GPHN: variants seen among roughly 807,000 people sequenced by gnomAD.
GPHN encodes gephyrin.
A neutral mutation model predicts 95.5 loss-of-function variants in GPHN; 17 were observed. The ratio of observed to expected loss-of-function variants is 0.18; its 90% CI spans 0.12 to 0.27. The LOEUF (loss-of-function observed/expected upper bound fraction) is 0.27, where lower values mean the gene tolerates loss of function less well. GPHN is among the 10% of genes least tolerant of loss of function. The pLI is 1.00. For synonymous variants in GPHN, 320 were observed against 322.5 expected, an observed-to-expected ratio of 0.99 and a Z score of 0.08; for missense variants, 660 against 978.1, an observed-to-expected ratio of 0.67 and a Z score of 4.34.
the GPHN span, among the ~76,000 whole-genome samples, chr14:67,229,515 A>G: frequency 1.3e-5 from 2 of 152,202 alleles, no homozygotes; most frequent in African/African-American, 4.8e-5. Context: ...AAACTAGAAC[A>G]GTGTAGAATA....
chr14:66,545,374 A>G (rs1282042668), intron 1 of GPHN, among the ~76,000 whole-genome samples: 62 of 98,100 alleles, frequency 6.3e-4, no homozygotes, highest in Admixed American at 8.0e-4. Context: ...GCGACTGGCC[A>G]GGCGGGGGGC....
the GPHN span, among the ~76,000 whole-genome samples, chr14:67,626,495 C>G: frequency 3.4e-4 from 52 of 152,270 alleles, no homozygotes; most frequent in African/African-American, 1.2e-3. Context: ...ATATACCTAA[C>G]AGAATTCAAA....
At chr14:66,640,008 A>G (rs901303563) in intron 1 of GPHN, among the ~76,000 whole-genome samples, 13 of 152,184 alleles carry the variant, frequency 8.5e-5, no homozygotes, top group Admixed American at 5.9e-4. Context: ...ATCACAGATG[A>G]CATAGACTGG....
At chr14:66,800,012 T>C (rs192085116) in intron 3 of GPHN, among the ~76,000 whole-genome samples, 2 of 152,126 alleles carry the variant, frequency 1.3e-5, no homozygotes, top group Non-Finnish European at 2.9e-5. Context: ...TACTATCTTA[T>C]AACATATTAT....
intron 9 of GPHN, among the ~76,000 whole-genome samples, chr14:67,017,105 G>A (rs116892905): frequency 6.6e-6 from 1 of 152,036 alleles, no homozygotes; most frequent in Non-Finnish European, 1.5e-5. Flanking sequence ...TCTTTATCAT[G>A]CTGCCTTTCA....
At chr14:67,136,751 A>C (rs957337674) in intron 17 of GPHN, among the ~76,000 whole-genome samples, 1 of 152,200 alleles carries the variant, frequency 6.6e-6, no homozygotes, top group African/African-American at 2.4e-5. Flanking sequence ...TGCCTAGTAC[A>C]TACATTCTTA....
the GPHN span, chr14:67,586,010 C>A: frequency 3.5e-4 from 559 of 1,613,694 alleles, 1 homozygote; most frequent in Non-Finnish European, 3.1e-4. Context: ...GCAGGGATGA[C>A]TTCATGCTTG....
the GPHN span, chr14:67,728,172 A>C: frequency 6.6e-6 from 1 of 152,220 alleles, no homozygotes; most frequent in Non-Finnish European, 1.5e-5. Context: ...CATTTGTTAC[A>C]GTGAATAAGC....
chr14:67,510,175 A>G, the GPHN span, among the ~76,000 whole-genome samples: 1 of 152,232 alleles, frequency 6.6e-6, no homozygotes, highest in Non-Finnish European at 1.5e-5. Flanking sequence ...TCTCATTGAT[A>G]TGAGAAAAGA....
the GPHN span, among the ~76,000 whole-genome samples, chr14:67,514,303 G>C: frequency 6.6e-6 from 1 of 152,160 alleles, no homozygotes; most frequent in Admixed American, 6.5e-5. Flanking sequence ...GTTTCTGACT[G>C]AGCATAGAAA....
chr14:67,561,891 T>C, the GPHN span: 1 of 1,223,438 alleles, frequency 8.2e-7, no homozygotes, highest in Non-Finnish European at 1.2e-6. Flanking sequence ...AAAAAAGAAT[T>C]GAAAAAATAC....
At chr14:67,186,464 AAC>A (rs1333697423), downstream of GPHN, among the ~76,000 whole-genome samples, 4 of 152,146 alleles carry the variant, frequency 2.6e-5, no homozygotes, top group Non-Finnish European at 5.9e-5. Context: ...GCACAGAGGA[AAC>A]ACAGATATCA....
At chr14:67,489,715 G>T in the GPHN span, among the ~76,000 whole-genome samples, 1 of 152,218 alleles carries the variant, frequency 6.6e-6, no homozygotes, top group Non-Finnish European at 1.5e-5. Flanking sequence ...ATGTAGCCGG[G>T]CGCGGTGGCT....
At chr14:67,241,211 G>T in the GPHN span, 2 of 152,246 alleles carry the variant, frequency 1.3e-5, no homozygotes, top group African/African-American at 4.8e-5. Context: ...TGGGCAAGCC[G>T]CGCCAGCCTC....
At chr14:66,700,915 C>T (rs1425727931) in intron 2 of GPHN, among the ~76,000 whole-genome samples, 1 of 129,418 alleles carries the variant, frequency 7.7e-6, no homozygotes, top group Non-Finnish European at 1.5e-5. Flanking sequence ...AGCAAGACAC[C>T]ATCTAAAAAA....
chr14:66,679,343 T>C (rs1414299517), intron 1 of GPHN, among the ~76,000 whole-genome samples: 1 of 152,250 alleles, frequency 6.6e-6, no homozygotes, highest in Non-Finnish European at 1.5e-5. Flanking sequence ...AAGTGATATG[T>C]CTTTTTTCTC....
intron 1 of GPHN, among the ~76,000 whole-genome samples, chr14:66,608,677 G>T (rs550081789): frequency 2.0e-5 from 3 of 152,106 alleles, no homozygotes; most frequent in Non-Finnish European, 4.4e-5. Context: ...CCAATGTTGG[G>T]TGTGTATAGA....
At chr14:67,078,674 AAT>A (rs2076583743) in intron 11 of GPHN, among the ~76,000 whole-genome samples, 1 of 152,110 alleles carries the variant, frequency 6.6e-6, no homozygotes, top group African/African-American at 2.4e-5. Flanking sequence ...CTTGACATTG[AAT>A]GAAGTCTAAT....
intron 17 of GPHN, among the ~76,000 whole-genome samples, chr14:67,129,659 T>C (rs531387021): frequency 7.2e-5 from 11 of 152,298 alleles, no homozygotes; most frequent in African/African-American, 2.2e-4. Context: ...ATAAAAAGTA[T>C]TTCATAGCTA....
Sources: allele counts gnomAD v4.1 joint callset (sites outside exome capture counted in the v4.1 genomes callset), GRCh38; gene constraint gnomAD v4.1.1; transcripts MANE v1.5; gene names NCBI Gene and HGNC (gene_info 2026-07-23, HGNC 2026-07-21).